Variants in IMMP2L observed in about 807,000 individuals in gnomAD.
IMMP2L encodes inner mitochondrial membrane peptidase subunit 2.
Under a neutral mutation model 19.3 loss-of-function variants are expected in IMMP2L, and 18 were observed. That is an observed-to-expected ratio of 0.93 (90% CI 0.64 to 1.38). The LOEUF is 1.38. Ranked by LOEUF, IMMP2L falls within the 40% of genes most tolerant of loss-of-function variation. The pLI, the probability that IMMP2L is intolerant of heterozygous loss-of-function variation, is 0.00. For synonymous variants in IMMP2L, 76 were observed against 73.0 expected (o/e 1.04, Z -0.21); for missense variants, 233 against 218.2 (o/e 1.07, Z -0.43).
chr7:110,964,705 C>G (rs965915811), intron 3 of IMMP2L, among the ~76,000 whole-genome samples: 1 of 151,910 alleles, frequency 6.6e-6, no homozygotes, highest in African/African-American at 2.4e-5. Context: ...GATGGTGCAT[C>G]ACTTTTGAGA....
At chr7:110,722,073 G>T (rs1795611905) in intron 5 of IMMP2L, among the ~76,000 whole-genome samples, 1 of 151,974 alleles carries the variant, frequency 6.6e-6, no homozygotes, top group African/African-American at 2.4e-5. Flanking sequence ...AGATGAATAG[G>T]ATGTCAATAG....
chr7:111,360,630 C>G (rs780427679), intron 3 of IMMP2L, among the ~76,000 whole-genome samples: 7 of 151,994 alleles, frequency 4.6e-5, no homozygotes, highest in Non-Finnish European at 1.0e-4. Context: ...CCAGCCTGGG[C>G]AACATAGCAA....
chr7:110,732,032 A>G (rs945600760), intron 5 of IMMP2L, among the ~76,000 whole-genome samples: 4 of 152,210 alleles, frequency 2.6e-5, no homozygotes, highest in African/African-American at 9.7e-5. Context: ...ATTTTTCAGA[A>G]GAGTTCTCCA....
intron 5 of IMMP2L, among the ~76,000 whole-genome samples, chr7:110,864,991 T>C (rs768086833): frequency 1.3e-5 from 2 of 152,134 alleles, no homozygotes; most frequent in African/African-American, 4.8e-5. Context: ...AATATCTAAA[T>C]ATTTCCCCAC....
At chr7:111,388,064 C>A (rs967416553) in intron 3 of IMMP2L, among the ~76,000 whole-genome samples, 6 of 150,912 alleles carry the variant, frequency 4.0e-5, no homozygotes, top group African/African-American at 1.5e-4. Flanking sequence ...ATACCAAATG[C>A]TACCTGCTCA....
At position 110,995,577 on chromosome 7, in the gene IMMP2L, A is replaced by G. The variant is rs193032332; in HGVS notation, c.240-32012T>C. Among the ~76,000 whole-genome samples, 71 of 152,256 alleles carry G rather than the reference A, an allele frequency of 4.7e-4. 1 individual carries two copies. The highest frequency in any genetic ancestry group is 1.7e-3 in the African/African-American group (69 of 41,566). On this transcript the variant is annotated intron_variant, in intron 3 of 5. Coordinates refer to ENST00000405709, the MANE Select transcript of IMMP2L (RefSeq NM_032549.4). The stretch of plus-strand genomic sequence containing the variant: ...GAGAAGGAGGCTTCAACATCCATAA[A>G]CAGTTGTTAAAATGTTTGGTACACA...
At chr7:110,914,344 A>C (rs1813361283) in intron 4 of IMMP2L, among the ~76,000 whole-genome samples, 1 of 152,222 alleles carries the variant, frequency 6.6e-6, no homozygotes, top group African/African-American at 2.4e-5. Flanking sequence ...ATTTTCAGTC[A>C]GAATTGAGTG....
At chr7:111,427,096 A>T (rs1000556233) in intron 3 of IMMP2L, among the ~76,000 whole-genome samples, 3 of 148,014 alleles carry the variant, frequency 2.0e-5, no homozygotes, top group African/African-American at 7.4e-5. Context: ...TGATCACCCA[A>T]GACTGGTACT....
At chr7:111,468,110 C>G (rs1227899377) in intron 3 of IMMP2L, among the ~76,000 whole-genome samples, 1 of 151,976 alleles carries the variant, frequency 6.6e-6, no homozygotes, top group Non-Finnish European at 1.5e-5. Context: ...TACTAATGGC[C>G]ATAATTACTT....
At chr7:111,490,822 T>C (rs1159380853) in intron 2 of IMMP2L, among the ~76,000 whole-genome samples, 3 of 152,150 alleles carry the variant, frequency 2.0e-5, no homozygotes, top group Admixed American at 6.5e-5. Context: ...GGTCTAATAA[T>C]AATAGCCAGA....
chr7:111,034,415 C>T (rs1160423261), intron 3 of IMMP2L, among the ~76,000 whole-genome samples: 1 of 152,010 alleles, frequency 6.6e-6, no homozygotes, highest in East Asian at 1.9e-4. Flanking sequence ...TCAGAGAAAC[C>T]TTGCAAAGAA....
chr7:111,113,142 T>C (rs1799441883), intron 3 of IMMP2L, among the ~76,000 whole-genome samples: 1 of 152,214 alleles, frequency 6.6e-6, no homozygotes, highest in African/African-American at 2.4e-5. Flanking sequence ...ATTTCTGTAA[T>C]AATATTGTAA....
chr7:110,839,568 A>T (rs181448585), intron 5 of IMMP2L, among the ~76,000 whole-genome samples: 14 of 152,134 alleles, frequency 9.2e-5, no homozygotes, highest in Non-Finnish European at 2.1e-4. Flanking sequence ...ATTCCAGATT[A>T]TTGATTTGAG....
intron 3 of IMMP2L, among the ~76,000 whole-genome samples, chr7:111,236,532 C>A (rs1013932487): frequency 1.3e-5 from 2 of 152,098 alleles, no homozygotes; most frequent in Admixed American, 1.3e-4. Context: ...GAAAACTATT[C>A]CCTGTGTTCT....
chr7:111,014,129 C>T (rs1053262738), intron 3 of IMMP2L, among the ~76,000 whole-genome samples: 39 of 151,936 alleles, frequency 2.6e-4, no homozygotes, highest in African/African-American at 9.4e-4. Context: ...TTTGGGAGGC[C>T]GAGGGAGGCA....
Position 110,943,983 on chromosome 7 carries a change from G to A in IMMP2L, c.305+19517C>T, listed in dbSNP as rs551604003. On this transcript the variant is annotated intron_variant, in intron 4 of 5. Coordinates refer to ENST00000405709, the MANE Select transcript of IMMP2L (RefSeq NM_032549.4). ...TACATTTTTAAAGATAAGGAGTTGG[G>A]ATTGGTACTAATTGGACTAAGTTGA... Among the ~76,000 whole-genome samples the A allele has an allele frequency of 2.6e-5, 4 of 152,052 alleles. No homozygotes were observed. In the Admixed American group the frequency reaches 2.6e-4, roughly 10 times the overall value.
chr7:110,666,257 T>G (rs1011538223), intron 5 of IMMP2L, among the ~76,000 whole-genome samples: 1 of 147,868 alleles, frequency 6.8e-6, no homozygotes, highest in Non-Finnish European at 1.5e-5. Flanking sequence ...TTAAAGTGCC[T>G]TGGTTTCTTG....
chr7:110,747,962 C>T (rs911301876), intron 5 of IMMP2L, among the ~76,000 whole-genome samples: 1 of 152,174 alleles, frequency 6.6e-6, no homozygotes, highest in Non-Finnish European at 1.5e-5. Flanking sequence ...CAAATTGTCT[C>T]TGTTTGAAGA....
At chr7:111,234,968 T>A (rs1814121112) in intron 3 of IMMP2L, among the ~76,000 whole-genome samples, 1 of 152,162 alleles carries the variant, frequency 6.6e-6, no homozygotes, top group South Asian at 2.1e-4. Context: ...AAAGAGTCTG[T>A]AAGGGGAGAA....
Sources: allele counts gnomAD v4.1 joint callset (sites outside exome capture counted in the v4.1 genomes callset), GRCh38; gene constraint gnomAD v4.1.1; transcripts MANE v1.5; gene names NCBI Gene and HGNC (gene_info 2026-07-23, HGNC 2026-07-21).